NAV2: variants seen among roughly 807,000 people sequenced by gnomAD.
NAV2 encodes helicase, APC down-regulated 1.
In NAV2, 54 loss-of-function variants were observed where a neutral mutation model predicts 223.2. The observed-to-expected ratio is 0.24, with a 90% CI of 0.19 to 0.30. The LOEUF is 0.30. Ranked by LOEUF, NAV2 falls within the 10% of genes least tolerant of loss-of-function variation. NAV2 has a pLI of 1.00. For missense variants in NAV2, 2,806 were observed against 3,147.5 expected, an observed-to-expected ratio of 0.89 and a Z score of 2.60; for synonymous variants, 1,279 against 1,239.3, an observed-to-expected ratio of 1.03 and a Z score of -0.67.
At chr11:19,394,711 A>C (rs547957434) in intron 1 of NAV2, among the ~76,000 whole-genome samples, 1 of 152,196 alleles carries the variant, frequency 6.6e-6, no homozygotes, top group Non-Finnish European at 1.5e-5. Context: ...TTGATGAGTG[A>C]AACAGGAGAG....
intron 1 of NAV2, among the ~76,000 whole-genome samples, chr11:19,369,520 T>G (rs2133847553): frequency 6.6e-6 from 1 of 152,020 alleles, no homozygotes; most frequent in African/African-American, 2.4e-5. Flanking sequence ...AGACTGAGGG[T>G]TTTAATGCTG....
chr11:19,622,860 C>T lies in NAV2; in HGVS notation c.76-209624C>T, dbSNP rs543374917. Among the ~76,000 whole-genome samples, 29 of 152,264 alleles carry T rather than the reference C, an allele frequency of 1.9e-4. No individual in the cohort carries two copies. In the South Asian group the frequency reaches 5.4e-3, roughly 28 times the overall value. On this transcript the variant is annotated intron_variant, in intron 1 of 37. Transcript: ENST00000360655. ...AGTTGATGCAGTTTCTTCCTAGCAT[C>T]GATGGTCTTTACAATTTGGCATGTT...
intron 1 of NAV2, among the ~76,000 whole-genome samples, chr11:19,405,915 C>T (rs1168423742): frequency 1.3e-5 from 2 of 152,148 alleles, no homozygotes; most frequent in Admixed American, 1.3e-4. Flanking sequence ...TCATAGTCAT[C>T]GCCCATAATT....
intron 20 of NAV2, among the ~76,000 whole-genome samples, chr11:20,067,536 G>A (rs2059126302): frequency 6.6e-6 from 1 of 151,904 alleles, no homozygotes; most frequent in Admixed American, 6.6e-5. Context: ...AGAGTGCAGT[G>A]GTGTGATCTC....
intron 1 of NAV2, among the ~76,000 whole-genome samples, chr11:19,365,927 C>T (rs781183918): frequency 4.6e-5 from 7 of 152,208 alleles, no homozygotes; most frequent in Admixed American, 2.0e-4. Flanking sequence ...TTTGTCAACT[C>T]GCTGAATGAG....
At chr11:19,535,165 C>T (rs1047783564) in intron 1 of NAV2, among the ~76,000 whole-genome samples, 1 of 152,118 alleles carries the variant, frequency 6.6e-6, no homozygotes, top group Non-Finnish European at 1.5e-5. Context: ...TTGGCAGTGG[C>T]TCTGAGGAGA....
At chr11:19,643,670 A>G (rs954670058) in intron 1 of NAV2, among the ~76,000 whole-genome samples, 2 of 152,102 alleles carry the variant, frequency 1.3e-5, no homozygotes, top group Non-Finnish European at 2.9e-5. Context: ...AATCCTTTGG[A>G]TATATACCCA....
chr11:19,584,275 CTTT>C (rs1393020929), intron 1 of NAV2, among the ~76,000 whole-genome samples: 1 of 151,942 alleles, frequency 6.6e-6, no homozygotes, highest in African/African-American at 2.4e-5. Context: ...CTCTTTTCTT[CTTT>C]ATTAGTCTTG....
chr11:20,003,054 T>C (rs551656585), intron 11 of NAV2, among the ~76,000 whole-genome samples: 1 of 152,296 alleles, frequency 6.6e-6, no homozygotes, highest in South Asian at 2.1e-4. Context: ...GCTACAGAAA[T>C]GCTTTCTGTC....
chr11:19,727,388 C>A (rs1385490620), intron 1 of NAV2, among the ~76,000 whole-genome samples: 1 of 152,216 alleles, frequency 6.6e-6, no homozygotes, highest in Non-Finnish European at 1.5e-5. Context: ...CAGTCCTTTG[C>A]TGTTTGGAAA....
chr11:19,963,947 T>C (rs1430539552), intron 10 of NAV2, among the ~76,000 whole-genome samples: 1 of 152,140 alleles, frequency 6.6e-6, no homozygotes, highest in Non-Finnish European at 1.5e-5. Context: ...CACCTATGGT[T>C]TCTAGACATG....
At chr11:20,092,839 C>T (rs927606540) in intron 28 of NAV2, among the ~76,000 whole-genome samples, 1 of 152,148 alleles carries the variant, frequency 6.6e-6, no homozygotes, top group African/African-American at 2.4e-5. Context: ...GATGCTGCTG[C>T]TGTTGTTGTT....
chr11:20,075,487 C>T lies in NAV2; in HGVS notation c.4984-2065C>T, dbSNP rs140774933. On this transcript the variant is annotated intron_variant, in intron 22 of 37. Coordinates refer to ENST00000349880, the MANE Select transcript of NAV2 (RefSeq NM_145117.5). ...CGATCTCCTGACCTCAGGGTCCGCC[C>T]GCCTTAGCCTCCCAAAGTGCTGGGA... Among the ~76,000 whole-genome samples, 1,222 of 152,130 alleles carry T rather than the reference C, an allele frequency of 8.0e-3. 21 individuals carry two copies. Among genetic ancestry groups the T allele is most frequent in the African/African-American group, 0.027 (1,125 of 41,490 alleles).
intron 6 of NAV2, among the ~76,000 whole-genome samples, chr11:19,918,146 G>A (rs2043965856): frequency 6.6e-6 from 1 of 152,250 alleles, no homozygotes; most frequent in Admixed American, 6.5e-5. Flanking sequence ...TCAGTGTGGA[G>A]CTAATGCTGG....
chr11:20,106,586 T>G (rs1287336319), intron 35 of NAV2, among the ~76,000 whole-genome samples: 2 of 151,750 alleles, frequency 1.3e-5, no homozygotes, highest in Non-Finnish European at 2.9e-5. Flanking sequence ...CCTTTTTCAT[T>G]TAGCACTATC....
intron 15 of NAV2, among the ~76,000 whole-genome samples, chr11:20,049,547 T>A (rs1333802745): frequency 1.3e-5 from 2 of 151,816 alleles, no homozygotes; most frequent in Non-Finnish European, 2.9e-5. Flanking sequence ...GCAGAGCAGG[T>A]GACTGGGTGC....
At chr11:19,626,948 G>A (rs2047188171) in intron 1 of NAV2, among the ~76,000 whole-genome samples, 1 of 152,164 alleles carries the variant, frequency 6.6e-6, no homozygotes, top group Admixed American at 6.5e-5. Flanking sequence ...GATTAGCTGA[G>A]ACCGTAATTA....
chr11:19,855,239 A>G (rs1184748735), intron 3 of NAV2, among the ~76,000 whole-genome samples: 1 of 152,192 alleles, frequency 6.6e-6, no homozygotes, highest in East Asian at 1.9e-4. Flanking sequence ...GTTTCTGGCA[A>G]GGTCTCTGTA....
intron 12 of NAV2, among the ~76,000 whole-genome samples, chr11:20,039,664 A>T (rs2056733751): frequency 6.6e-6 from 1 of 152,190 alleles, no homozygotes; most frequent in Non-Finnish European, 1.5e-5. Flanking sequence ...TCACATATTC[A>T]TCTGTACATT....
Sources: gnomAD v4.1 joint callset for allele counts (sites outside exome capture counted in the v4.1 genomes callset) on GRCh38, gnomAD v4.1.1 for gene constraint, MANE v1.5 for transcripts, NCBI Gene and HGNC (gene_info 2026-07-23, HGNC 2026-07-21) for gene names.